VPS54: variants seen among roughly 807,000 people sequenced by gnomAD.
VPS54 encodes the protein vacuolar protein sorting-associated protein 54.
Under a neutral mutation model 121.5 loss-of-function variants are expected in VPS54, and 45 were observed. The ratio of observed to expected loss-of-function variants is 0.37; its 90% CI spans 0.29 to 0.47. The LOEUF (loss-of-function observed/expected upper bound fraction) is 0.47. VPS54 is among the 20% of genes least tolerant of loss of function. The pLI is 0.99. For missense variants in VPS54, 1,090 were observed against 1,131.4 expected (o/e 0.96, Z 0.52); for synonymous variants, 371 against 385.8 (o/e 0.96, Z 0.45).
At chr2:63,967,106 T>C (rs945295381) in intron 5 of VPS54, among the ~76,000 whole-genome samples, 1 of 152,190 alleles carries the variant, frequency 6.6e-6, no homozygotes. Context: ...TATAGCTTAT[T>C]TTTGTACCTC....
Position 63,942,545 on chromosome 2 carries a change from T to A in VPS54, c.1318A>T (p.Arg440Ter). 6.3e-7 allele frequency: 1 copy of A among 1,590,112 alleles called. No homozygotes were observed. The highest frequency in any genetic ancestry group is 8.6e-7 in the Non-Finnish European group (1 of 1,166,714). The change falls in exon 11 of 23, where the codon AGA (arginine) becomes TGA (stop). Residue 440 changes from arginine to a stop codon, truncating the protein, a stop_gained. Transcript: ENST00000272322. LOFTEE classifies it high-confidence loss of function. ...AACCACTGGGGAAAATTCAACATTC[T>A]CATCTGATCTGCAAGCCTAGAAAAA... ...DVVVKLADQM[R>*]MLNFPQWFDL...
chr2:63,896,729 A>G (rs140390523), intron 22 of VPS54, among the ~76,000 whole-genome samples: 83 of 152,326 alleles, frequency 5.4e-4, no homozygotes, highest in African/African-American at 1.9e-3. Flanking sequence ...AACAGGAAAT[A>G]AAATTTTATT....
intron 13 of VPS54, 129 bp downstream of exon 13, chr2:63,921,077 G>A: frequency 1.0e-6 from 1 of 985,704 alleles, no homozygotes; most frequent in East Asian, 2.7e-5. Flanking sequence ...CCACATCAGT[G>A]GTAACACTGA....
intron 22 of VPS54, among the ~76,000 whole-genome samples, chr2:63,894,910 T>C (rs1410521721): frequency 6.6e-6 from 1 of 152,152 alleles, no homozygotes; most frequent in South Asian, 2.1e-4. Context: ...GAATGTAGAC[T>C]AAATTCACTG....
At chr2:63,976,215 T>C (rs911610805) in intron 3 of VPS54, among the ~76,000 whole-genome samples, 5 of 151,846 alleles carry the variant, frequency 3.3e-5, no homozygotes, top group African/African-American at 1.2e-4. Flanking sequence ...GGTGTTGTGG[T>C]GGTGCTCGCC....
chr2:64,014,833 C>T (rs1026908796), intron 1 of VPS54, among the ~76,000 whole-genome samples: 4 of 152,138 alleles, frequency 2.6e-5, no homozygotes, highest in African/African-American at 7.2e-5. Context: ...GAAAGAATAA[C>T]TTGAGTAACT....
chr2:63,993,461 A>G (rs1287776264), intron 1 of VPS54, among the ~76,000 whole-genome samples: 3 of 151,992 alleles, frequency 2.0e-5, no homozygotes, highest in Non-Finnish European at 2.9e-5. Flanking sequence ...GCACTCCCCT[A>G]CTGGGCTAAT....
chr2:63,906,882 C>A (rs1375055449), intron 20 of VPS54, among the ~76,000 whole-genome samples: 1 of 152,096 alleles, frequency 6.6e-6, no homozygotes, highest in East Asian at 1.9e-4. Context: ...AAGCTAAGGA[C>A]CTAGAATAGC....
At chr2:63,990,942 C>G (rs931794554) in intron 1 of VPS54, among the ~76,000 whole-genome samples, 4 of 152,156 alleles carry the variant, frequency 2.6e-5, no homozygotes, top group African/African-American at 9.7e-5. Flanking sequence ...TTCCTTTAGA[C>G]TGGGACCTTT....
chr2:63,914,116 T>C lies in VPS54; in HGVS notation c.2334+66A>G, dbSNP rs1440990849. 7.9e-6 allele frequency: 10 copies of C among 1,263,396 alleles called. 1 individual carries two copies. The South Asian group carries it at 1.3e-4, about 16-fold the overall frequency. The allele number at this position is 1,263,396 out of a possible 1,614,324, so 78.3% of individuals were successfully genotyped here. ...ACCTTGAAATGTCTTTGAGTTAAGA[T>C]TAGTCACACCCTAATGTATTAATTC... On this transcript the variant is annotated intron_variant, in intron 17 of 22. Transcript: ENST00000272322.
intron 22 of VPS54, 136 bp downstream of exon 22, chr2:63,897,360 A>C: frequency 3.3e-6 from 2 of 614,076 alleles, no homozygotes; most frequent in Non-Finnish European, 5.5e-6. Context: ...GGGAAAAAAA[A>C]AACACAAAAG....
chr2:63,893,400 A>C lies in VPS54; in HGVS notation c.*30T>G, dbSNP rs372028993. The C allele has an allele frequency of 2.6e-6, 4 of 1,563,966 alleles. No homozygotes were observed. The African/African-American group carries it at 5.4e-5, about 21-fold the overall frequency. ...TTCATAACAAACACATCCCATGGTCAGATGAACTACCCAGTTTTCCAGGAT... is the reference window on the plus strand; with the variant it reads ...TTCATAACAAACACATCCCATGGTCCGATGAACTACCCAGTTTTCCAGGAT... On this transcript the variant is annotated 3_prime_UTR_variant, in exon 23 of 23. Coordinates refer to ENST00000272322, the MANE Select transcript of VPS54 (RefSeq NM_016516.3).
At chr2:63,904,136 C>G (rs1421622139) in intron 20 of VPS54, among the ~76,000 whole-genome samples, 1 of 151,860 alleles carries the variant, frequency 6.6e-6, no homozygotes, top group East Asian at 1.9e-4. Context: ...GGAACATAAC[C>G]AGCCATAAAA....
intron 12 of VPS54, among the ~76,000 whole-genome samples, chr2:63,926,677 C>T (rs966138621): frequency 6.6e-5 from 10 of 152,132 alleles, no homozygotes; most frequent in Non-Finnish European, 8.8e-5. Flanking sequence ...TGAAGCAGGG[C>T]GGGGCATCGC....
chr2:63,977,154 A>G (rs1455754267), intron 3 of VPS54, among the ~76,000 whole-genome samples: 1 of 151,916 alleles, frequency 6.6e-6, no homozygotes, highest in Non-Finnish European at 1.5e-5. Context: ...ATCTAGCTAA[A>G]TGTTTATCAG....
chr2:63,911,380 C>G (rs1673141805), intron 20 of VPS54, among the ~76,000 whole-genome samples: 1 of 152,184 alleles, frequency 6.6e-6, no homozygotes, highest in Non-Finnish European at 1.5e-5. Context: ...GTATTACCAA[C>G]TACACCAGAG....
intron 15 of VPS54, among the ~76,000 whole-genome samples, chr2:63,918,078 G>T (rs1673471341): frequency 6.6e-6 from 1 of 151,944 alleles, no homozygotes; most frequent in Non-Finnish European, 1.5e-5. Context: ...GGATAAATGG[G>T]TAATAATCCA....
chr2:63,923,920 G>C (rs1673768310), intron 12 of VPS54, among the ~76,000 whole-genome samples: 1 of 152,182 alleles, frequency 6.6e-6, no homozygotes, highest in Non-Finnish European at 1.5e-5. Flanking sequence ...AGTCAGAGCC[G>C]TTGTATGAAA....
intron 5 of VPS54, among the ~76,000 whole-genome samples, 157 bp downstream of exon 5, chr2:63,968,800 G>C (rs1022431166): frequency 6.7e-6 from 1 of 150,266 alleles, no homozygotes; most frequent in Non-Finnish European, 1.5e-5. Context: ...AAAAAGAAAA[G>C]TGAGAAAGAA....
Sources: allele counts gnomAD v4.1 joint callset (sites outside exome capture counted in the v4.1 genomes callset), GRCh38; gene constraint gnomAD v4.1.1; transcripts MANE v1.5; gene names NCBI Gene and HGNC (gene_info 2026-07-23, HGNC 2026-07-21).